Variants in MACF1 observed in about 807,000 individuals in gnomAD.
The protein encoded by MACF1 is microtubule actin crosslinking factor 1.
A neutral mutation model predicts 854.8 loss-of-function variants in MACF1; 193 were observed. That is an observed-to-expected ratio of 0.23 (90% CI 0.20 to 0.25). MACF1 has a LOEUF of 0.25. Among genes scored for constraint, MACF1 ranks in the 10% least tolerant of loss-of-function variants. The pLI, the probability that MACF1 is intolerant of heterozygous loss-of-function variation, is 1.00. For missense variants in MACF1, 7,722 were observed against 8,929.1 expected (o/e 0.86, Z 5.45); for synonymous variants, 3,185 against 3,226.7 (o/e 0.99, Z 0.44).
chr1:39,167,706 CAAAA>C (rs1343089177), intron 2 of MACF1, among the ~76,000 whole-genome samples: 1 of 148,682 alleles, frequency 6.7e-6, no homozygotes, highest in African/African-American at 2.5e-5. Flanking sequence ...AACTCTGTCT[CAAAA>C]AAGAAAAAAA....
chr1:39,282,497 G>C (rs1571262686), intron 7 of MACF1, 123 bp downstream of exon 7: 1 of 1,156,934 alleles, frequency 8.6e-7, no homozygotes, highest in African/African-American at 1.6e-5. Context: ...TTGTTCATTT[G>C]AAAAAGAAAC....
At chr1:39,434,387 T>C (rs1472195582) in intron 68 of MACF1, 27 bp from the exon 69 acceptor site, 6 of 139,616 alleles carry the variant, frequency 4.3e-5, no homozygotes, top group African/African-American at 6.1e-5. Flanking sequence ...ATACTTATCC[T>C]TTTTTTTTTT....
At chr1:39,239,926 C>T (rs1379261185) in intron 2 of MACF1, among the ~76,000 whole-genome samples, 1 of 152,188 alleles carries the variant, frequency 6.6e-6, no homozygotes, top group African/African-American at 2.4e-5. Flanking sequence ...GTCCGTCTTT[C>T]TGTCTTTCTG....
intron 2 of MACF1, among the ~76,000 whole-genome samples, chr1:39,246,927 A>G (rs1198372270): frequency 2.8e-5 from 4 of 142,036 alleles, no homozygotes; most frequent in African/African-American, 1.0e-4. Flanking sequence ...TTTTTGAGAC[A>G]GTCTTGCTCT....
At chr1:39,430,981 A>C in intron 66 of MACF1, 73 bp downstream of exon 66, 1 of 1,293,930 alleles carries the variant, frequency 7.7e-7, no homozygotes, top group South Asian at 1.2e-5. Flanking sequence ...TATGACCCAC[A>C]TAAATACAGA....
chr1:39,112,372 C>T (rs111239391), intron 2 of MACF1, among the ~76,000 whole-genome samples: 1 of 152,156 alleles, frequency 6.6e-6, no homozygotes, highest in Non-Finnish European at 1.5e-5. Flanking sequence ...GCATGAGCCA[C>T]TGTGCCTGGC....
intron 2 of MACF1, among the ~76,000 whole-genome samples, chr1:39,190,384 TGTG>T (rs1644236780): frequency 7.9e-6 from 1 of 127,012 alleles, no homozygotes; most frequent in African/African-American, 2.8e-5. Context: ...TGTGTGTGTG[TGTG>T]TGTGTTTGTT....
chr1:39,281,199 G>A (rs1291426592), intron 6 of MACF1, among the ~76,000 whole-genome samples: 2 of 152,094 alleles, frequency 1.3e-5, no homozygotes, highest in Non-Finnish European at 2.9e-5. Context: ...TTATAAAAAT[G>A]TACAGGATGC....
At chr1:39,449,697 A>ATT (rs4012670) in intron 84 of MACF1, among the ~76,000 whole-genome samples, 10,402 of 129,676 alleles carry the variant, frequency 0.08, 788 homozygotes, top group African/African-American at 0.18. Context: ...CGCGCCTGGC[A>ATT]TTTTTTTTTT....
At chr1:39,346,925 A>G (rs1031172076) in intron 40 of MACF1, 52 bp from the exon 41 acceptor site, 2 of 1,170,752 alleles carry the variant, frequency 1.7e-6, no homozygotes, top group African/African-American at 1.5e-5. Context: ...GAACTGAGAA[A>G]TGGAAGTATC....
intron 23 of MACF1, chr1:39,304,299 C>G: frequency 1.6e-6 from 1 of 638,324 alleles, no homozygotes; most frequent in East Asian, 3.5e-5. Context: ...TTATTTCACT[C>G]TACGTGCTTT....
chr1:39,375,565 T>G (rs1445229571), intron 52 of MACF1, among the ~76,000 whole-genome samples: 1 of 152,242 alleles, frequency 6.6e-6, no homozygotes, highest in Non-Finnish European at 1.5e-5. Context: ...CCTCCCAAAG[T>G]GCTGGGATTA....
Position 39,269,045 on chromosome 1 carries a change from C to T in MACF1, c.528+11017C>T, listed in dbSNP as rs756219883. ...TAAAGGAGAGATTCCAAGGGGAGGT[C>T]CAGACCGCCCACCTTTTGTTAGAGA... On this transcript the variant is annotated intron_variant, in intron 6 of 100. Transcript: ENST00000564288. 5.4e-6 allele frequency: 7 copies of T among 1,289,420 alleles called. No homozygotes were observed. The East Asian group carries it at 3.9e-4, about 72-fold the overall frequency. 79.9% of individuals were successfully genotyped at this position (1,289,420 alleles called of 1,614,324 possible).
chr1:39,354,692 G>A (rs1647377866), intron 44 of MACF1, among the ~76,000 whole-genome samples: 1 of 152,092 alleles, frequency 6.6e-6, no homozygotes, highest in Non-Finnish European at 1.5e-5. Flanking sequence ...CAGCCTATAA[G>A]TTCCTCTTAT....
upstream of MACF1, among the ~76,000 whole-genome samples, chr1:39,203,101 A>G (rs573114969): frequency 2.0e-5 from 3 of 152,312 alleles, no homozygotes; most frequent in East Asian, 5.8e-4. Flanking sequence ...ACCCTTCCCT[A>G]TTATTAGAAA....
intron 58 of MACF1, chr1:39,412,242 A>G (rs767431600): frequency 1.2e-6 from 2 of 1,613,996 alleles, no homozygotes; most frequent in Admixed American, 1.7e-5. Flanking sequence ...TTAATCATGA[A>G]CTAACAGATG....
At chr1:39,125,866 G>A (rs1571072689) in intron 2 of MACF1, among the ~76,000 whole-genome samples, 1 of 152,154 alleles carries the variant, frequency 6.6e-6, no homozygotes, top group Non-Finnish European at 1.5e-5. Flanking sequence ...GGTGGCATGC[G>A]CCTGTAATCC....
intron 2 of MACF1, among the ~76,000 whole-genome samples, chr1:39,101,576 G>A (rs1459663205): frequency 6.6e-6 from 1 of 151,158 alleles, no homozygotes; most frequent in East Asian, 2.0e-4. Flanking sequence ...TGTAATCCCA[G>A]CACTTTGGGA....
At chr1:39,398,554 C>G (rs1462668999) in intron 58 of MACF1, among the ~76,000 whole-genome samples, 1 of 152,134 alleles carries the variant, frequency 6.6e-6, no homozygotes, top group Non-Finnish European at 1.5e-5. Flanking sequence ...AATTATTCAG[C>G]TTACTTCTAG....
Sources: gnomAD v4.1 joint callset for allele counts (sites outside exome capture counted in the v4.1 genomes callset) on GRCh38, gnomAD v4.1.1 for gene constraint, MANE v1.5 for transcripts, NCBI Gene and HGNC (gene_info 2026-07-23, HGNC 2026-07-21) for gene names.